The following SNAP91 variants were observed in gnomAD, a reference collection of about 807,000 sequenced individuals.
The protein encoded by SNAP91 is clathrin coat assembly protein AP180.
SNAP91 carries 27 observed loss-of-function variants against 100.3 expected under a neutral mutation model. The ratio of observed to expected loss-of-function variants is 0.27; its 90% CI spans 0.20 to 0.37. The LOEUF (loss-of-function observed/expected upper bound fraction) is 0.37, where lower values mean the gene tolerates loss of function less well. SNAP91 is among the 10% of genes least tolerant of loss of function. The pLI is 1.00. For missense variants in SNAP91, 986 were observed against 1,123.7 expected (o/e 0.88, Z 1.75); for synonymous variants, 404 against 398.6 (o/e 1.01, Z -0.16).
intron 2 of SNAP91, among the ~76,000 whole-genome samples, chr6:83,667,360 C>T (rs1159751943): frequency 2.0e-5 from 3 of 151,786 alleles, no homozygotes; most frequent in South Asian, 2.1e-4. Flanking sequence ...CTTTATGAGG[C>T]CAGATTTTCT....
intron 27 of SNAP91, 37 bp from the exon 28 acceptor site, chr6:83,560,245 G>C (rs907971394): frequency 2.0e-6 from 3 of 1,477,152 alleles, no homozygotes; most frequent in Non-Finnish European, 2.8e-6. Context: ...CAGAGCATGA[G>C]TGGAACTCAC....
At chr6:83,589,689 G>A (rs2093434202) in intron 22 of SNAP91, among the ~76,000 whole-genome samples, 1 of 152,112 alleles carries the variant, frequency 6.6e-6, no homozygotes, top group Non-Finnish European at 1.5e-5. Flanking sequence ...TTGCCCCTGG[G>A]AAAGACTGTT....
intron 24 of SNAP91, among the ~76,000 whole-genome samples, chr6:83,577,051 AAAGG>A (rs762394094): frequency 1.3e-5 from 2 of 152,184 alleles, no homozygotes; most frequent in East Asian, 1.9e-4. Flanking sequence ...GGAAAAATGA[AAAGG>A]AAGGGCAAAG....
At chr6:83,608,443 A>G (rs192568074) in intron 12 of SNAP91, among the ~76,000 whole-genome samples, 4 of 152,340 alleles carry the variant, frequency 2.6e-5, no homozygotes, top group Middle Eastern at 3.4e-3. Flanking sequence ...TTAATATATT[A>G]CAAGATTTTT....
At position 83,560,954 on chromosome 6, in the gene SNAP91, A is replaced by G. The variant is rs768125707; in HGVS notation, c.2443-7T>C. 3 of 1,592,558 alleles carry G rather than the reference A, an allele frequency of 1.9e-6. No homozygotes were observed. Among genetic ancestry groups the G allele is most frequent in the Non-Finnish European group, 2.6e-6 (3 of 1,172,214 alleles). ...TTGGAGGTACAGCTCCTTGCTACAC[A>G]GATAGACAGACATACACATATAAAT... On this transcript the variant is annotated splice_polypyrimidine_tract_variant and splice_region_variant and intron_variant, in intron 26 of 29. Transcript: ENST00000369694.
intron 8 of SNAP91, among the ~76,000 whole-genome samples, chr6:83,629,785 T>TCATATCATCAGCAAGCAGC (rs2097132102): frequency 6.6e-6 from 1 of 152,024 alleles, no homozygotes; most frequent in Non-Finnish European, 1.5e-5. Flanking sequence ...AGGTAAGCAA[T>TCATATCATCAGCAAGCAGC]CATATCATCA....
At chr6:83,595,178 A>C (rs910583713) in intron 16 of SNAP91, among the ~76,000 whole-genome samples, 1 of 152,192 alleles carries the variant, frequency 6.6e-6, no homozygotes. Context: ...TACTAAGTTT[A>C]CTAAGCATTC....
At chr6:83,624,574 G>A (rs1392945798) in intron 8 of SNAP91, among the ~76,000 whole-genome samples, 1 of 152,072 alleles carries the variant, frequency 6.6e-6, no homozygotes, top group Non-Finnish European at 1.5e-5. Flanking sequence ...GTCTAGAGCA[G>A]GGTTTCTCAG....
chr6:83,569,257 C>T (rs1424172045), intron 26 of SNAP91, among the ~76,000 whole-genome samples: 4 of 152,030 alleles, frequency 2.6e-5, no homozygotes, highest in Non-Finnish European at 5.9e-5. Context: ...TTTCTCTTTC[C>T]GTAGCTGCTG....
At chr6:83,559,935 TC>T (rs1003843435) in intron 28 of SNAP91, among the ~76,000 whole-genome samples, 168 bp downstream of exon 28, 2 of 151,968 alleles carry the variant, frequency 1.3e-5, no homozygotes, top group South Asian at 2.1e-4. Flanking sequence ...CATCACTTTT[TC>T]CCCCCCAAAT....
intron 2 of SNAP91, among the ~76,000 whole-genome samples, chr6:83,672,016 C>T (rs2098794439): frequency 6.6e-6 from 1 of 152,104 alleles, no homozygotes; most frequent in African/African-American, 2.4e-5. Context: ...GGGCCTACTG[C>T]TGTCCATTTA....
chr6:83,655,360 G>A (rs2098371001), intron 7 of SNAP91, among the ~76,000 whole-genome samples: 1 of 152,150 alleles, frequency 6.6e-6, no homozygotes, highest in East Asian at 1.9e-4. Context: ...CTCAGATTAA[G>A]GGAAGACTCT....
Position 83,605,933 on chromosome 6 carries a change from G to A in SNAP91, c.1023-130C>T, listed in dbSNP as rs2095581666. On this transcript the variant is annotated intron_variant, in intron 13 of 29. Transcript: ENST00000369694. ...AATCCAATAAAAGAATAATACTTTG[G>A]AAAGTATAGAGCTATAGCATATACC... The A allele has an allele frequency of 3.7e-6, 3 of 817,218 alleles. No individual in the cohort carries two copies. In the East Asian group the frequency reaches 8.3e-5, roughly 23 times the overall value. 50.6% of individuals were successfully genotyped at this position (817,218 alleles called of 1,614,324 possible). A position where few individuals can be genotyped will look rare whatever the true frequency, so the allele number is the denominator to read the frequency against.
chr6:83,558,565 A>C (rs146570932), intron 28 of SNAP91, among the ~76,000 whole-genome samples: 1,630 of 152,346 alleles, frequency 0.011, 17 homozygotes, highest in Non-Finnish European at 0.015. Context: ...GGCAAAGTGA[A>C]GAAGCTGAAA....
intron 8 of SNAP91, among the ~76,000 whole-genome samples, chr6:83,634,077 T>C (rs2097328617): frequency 6.6e-6 from 1 of 152,126 alleles, no homozygotes. Flanking sequence ...GTTGTGCACA[T>C]GTACCCTAAA....
intron 11 of SNAP91, chr6:83,611,387 G>T: frequency 2.2e-6 from 1 of 446,848 alleles, no homozygotes. Context: ...ATTGACTATT[G>T]CAGATCACTT....
rs752428717 is a variant in SNAP91, at chr6:83,665,598, T to C, written c.131-17A>G. 1.1e-5 allele frequency: 18 copies of C among 1,600,300 alleles called. No individual in the cohort carries two copies. The highest frequency in any genetic ancestry group is 3.3e-5 in the South Asian group (3 of 90,044). On this transcript the variant is annotated splice_polypyrimidine_tract_variant and intron_variant, in intron 2 of 29. Coordinates refer to ENST00000369694, the MANE Select transcript of SNAP91 (RefSeq NM_001242792.2). ...GGATCAAATCTATGAAAATAGAAGA[T>C]ATTAATCAATGATATTAACAATTAC...
chr6:83,560,432 C>G (rs1008569628), intron 27 of SNAP91, among the ~76,000 whole-genome samples: 1 of 152,110 alleles, frequency 6.6e-6, no homozygotes, highest in Non-Finnish European at 1.5e-5. Flanking sequence ...ACATGGTATC[C>G]CCATCCCAAC....
chr6:83,609,371 A>G lies in SNAP91; in HGVS notation c.912+1279T>C, dbSNP rs567238138. On this transcript the variant is annotated intron_variant, in intron 12 of 29. Coordinates refer to ENST00000369694, the MANE Select transcript of SNAP91 (RefSeq NM_001242792.2). The stretch of plus-strand genomic sequence containing the variant: ...ATATTGGAGTTTTTCACATAGACAT[A>G]ATGGTTTTAAACCTGGCCTTATATC... Among the ~76,000 whole-genome samples the G allele has an allele frequency of 7.2e-5, 11 of 152,318 alleles. No homozygotes were observed. The East Asian group carries it at 2.1e-3, about 29-fold the overall frequency.
Sources: gnomAD v4.1 joint callset for allele counts (sites outside exome capture counted in the v4.1 genomes callset) on GRCh38, gnomAD v4.1.1 for gene constraint, MANE v1.5 for transcripts, NCBI Gene and HGNC (gene_info 2026-07-23, HGNC 2026-07-21) for gene names.